The following HELQ variants were observed in gnomAD, a reference collection of about 807,000 sequenced individuals.
HELQ encodes the protein helicase, POLQ like.
A neutral mutation model predicts 111.6 loss-of-function variants in HELQ; 77 were observed. The ratio of observed to expected loss-of-function variants is 0.69; its 90% CI spans 0.57 to 0.83. The LOEUF (loss-of-function observed/expected upper bound fraction) is 0.83, where lower values mean the gene tolerates loss of function less well. Ranked by LOEUF, HELQ falls within the 40% of genes least tolerant of loss-of-function variation. HELQ has a pLI of 0.00. For missense variants in HELQ, 1,200 were observed against 1,288.5 expected (o/e 0.93, Z 1.05); for synonymous variants, 438 against 454.7 (o/e 0.96, Z 0.47).
chr4:83,439,860 T>C lies in HELQ; in HGVS notation c.1808+3A>G. On this transcript the variant is annotated splice_donor_region_variant and intron_variant, in intron 8 of 17. Coordinates refer to ENST00000295488, the MANE Select transcript of HELQ (RefSeq NM_133636.5). ...ACAGGCTATTTAAAAAATATTAACA[T>C]ACTTGCTTAAAAATTTGCATATCAT... is the stretch of plus-strand genomic sequence containing the variant. The C allele has an allele frequency of 1.3e-6, 2 of 1,555,748 alleles. No individual in the cohort carries two copies. The highest frequency in any genetic ancestry group is 1.7e-4 in the Middle Eastern group (1 of 5,852).
chr4:83,441,911 T>G (rs953993183), intron 6 of HELQ, among the ~76,000 whole-genome samples: 3 of 151,770 alleles, frequency 2.0e-5, no homozygotes, highest in Non-Finnish European at 2.9e-5. Context: ...GTAGCTGGGA[T>G]GACAGGCATG....
chr4:83,421,929 A>C (rs1228034490), intron 14 of HELQ, among the ~76,000 whole-genome samples, 193 bp from the exon 15 acceptor site: 2 of 152,196 alleles, frequency 1.3e-5, no homozygotes, highest in East Asian at 3.8e-4. Context: ...CAACTACAAT[A>C]AAAAGATAAG....
intron 2 of HELQ, among the ~76,000 whole-genome samples, chr4:83,449,771 C>T (rs910934307): frequency 2.0e-5 from 3 of 151,358 alleles, no homozygotes; most frequent in Non-Finnish European, 4.4e-5. Context: ...CAATAAGCAG[C>T]AGAAATGCAA....
Position 83,432,259 on chromosome 4 carries a change from A to C in HELQ, c.2057T>G (p.Leu686Ter), listed in dbSNP as rs1720193457. 1 of 1,558,046 alleles carries C rather than the reference A, an allele frequency of 6.4e-7. No homozygotes were observed. Among genetic ancestry groups the C allele is most frequent in the Non-Finnish European group, 8.7e-7 (1 of 1,153,756 alleles). Reference sequence around the variant, plus strand: ...TTCCTTAGCAACATAGGGAGCTCTTAAAATAACTCTGTGGAATTAATGAAA... The same window carrying C: ...TTCCTTAGCAACATAGGGAGCTCTTCAAATAACTCTGTGGAATTAATGAAA... Reference protein sequence around the residue: ...GVNLPARRVILRAPYVAKEFL... With the variant: ...GVNLPARRVI The change falls in exon 10 of 18, where the codon TTA (leucine) becomes TGA (stop). Residue 686 changes from leucine (L) to a stop codon, truncating the protein, a stop_gained. Transcript: ENST00000295488. LOFTEE classifies it high-confidence loss of function.
chr4:83,422,618 T>A (rs1218736974), intron 14 of HELQ, among the ~76,000 whole-genome samples: 1 of 152,190 alleles, frequency 6.6e-6, no homozygotes, highest in Non-Finnish European at 1.5e-5. Flanking sequence ...GAGGCACGGA[T>A]GGCTTTTTCC....
rs1447696417 is a variant in HELQ, at chr4:83,453,427, G to C, written c.816C>G (p.Ala272=). The stretch of plus-strand genomic sequence containing the variant: ...TCTGGGCCTTCGCATTTCCAGTCAT[G>C]GCATTTTTTAGATGATCTTTAATAC... ...RKSIKDHLKN[A]MTGNAKAQTP... The change falls in exon 2 of 18, where the codon GCC becomes GCG. Residue 272 remains alanine (A), a synonymous_variant. Transcript: ENST00000295488. 6.2e-7 allele frequency: 1 copy of C among 1,603,196 alleles called. No individual in the cohort carries two copies. Among genetic ancestry groups the C allele is most frequent in the East Asian group, 2.2e-5 (1 of 44,786 alleles).
At chr4:83,423,064 G>A (rs1056915961) in intron 14 of HELQ, among the ~76,000 whole-genome samples, 6 of 152,080 alleles carry the variant, frequency 3.9e-5, no homozygotes, top group South Asian at 2.1e-4. Context: ...GGATTTCATA[G>A]CTAGCTTAGA....
chr4:83,415,242 T>C (rs1238023739), intron 17 of HELQ, among the ~76,000 whole-genome samples: 1 of 152,110 alleles, frequency 6.6e-6, no homozygotes, highest in Non-Finnish European at 1.5e-5. Flanking sequence ...ACTAGGACAG[T>C]GAATGGCCTA....
intron 12 of HELQ, among the ~76,000 whole-genome samples, chr4:83,428,066 C>T (rs1364327716): frequency 1.3e-5 from 2 of 152,060 alleles, no homozygotes; most frequent in Non-Finnish European, 2.9e-5. Flanking sequence ...TATGGTACAT[C>T]CATACTATAG....
intron 13 of HELQ, among the ~76,000 whole-genome samples, chr4:83,426,614 A>T (rs927851738): frequency 4.7e-5 from 7 of 150,532 alleles, no homozygotes; most frequent in African/African-American, 7.3e-5. Context: ...CCCAGGCTGG[A>T]GTGCAGTGGC....
At chr4:83,444,190 T>C (rs763929972) in intron 5 of HELQ, among the ~76,000 whole-genome samples, 1 of 152,170 alleles carries the variant, frequency 6.6e-6, no homozygotes, top group Non-Finnish European at 1.5e-5. Context: ...TTCTAAACAA[T>C]AATAAATGAG....
intron 17 of HELQ, among the ~76,000 whole-genome samples, chr4:83,413,231 A>G (rs1161053887): frequency 6.6e-6 from 1 of 152,166 alleles, no homozygotes; most frequent in East Asian, 1.9e-4. Flanking sequence ...GAACCCAGAG[A>G]AGAGGTTGAG....
At chr4:83,422,566 A>T (rs995027087) in intron 14 of HELQ, among the ~76,000 whole-genome samples, 3 of 152,236 alleles carry the variant, frequency 2.0e-5, no homozygotes, top group Non-Finnish European at 4.4e-5. Context: ...CTATAAGCCA[A>T]GGAACACCAA....
chr4:83,454,036 T>A (rs1337419460), intron 1 of HELQ, 91 bp from the exon 2 acceptor site: 31 of 797,762 alleles, frequency 3.9e-5, no homozygotes, highest in Admixed American at 4.6e-5. Context: ...AAACCCCGTG[T>A]CTACAGAAAA....
rs1159635748 is a variant in HELQ at position 83,421,655 on chromosome 4, C to G, written c.2857G>C (p.Val953Leu). ...CGAGGCATATTAAATTTTTCAGATA[C>G]AGTCCAAATGTTGGTCTCTTTGAGC... ...TLLKETNIWT[V>L]SEKFNMPRGY... Residue 953 changes from valine to leucine, a missense_variant, in exon 15 of 18, where the codon GTA becomes CTA. Val to Leu is a conservative substitution (Grantham distance 32). Transcript: ENST00000295488. 1 of 1,613,200 alleles carries G rather than the reference C, an allele frequency of 6.2e-7. No individual in the cohort carries two copies. The highest frequency in any genetic ancestry group is 8.5e-7 in the Non-Finnish European group (1 of 1,179,296).
intron 4 of HELQ, among the ~76,000 whole-genome samples, chr4:83,446,314 AT>A (rs35146359): frequency 0.46 from 69,848 of 151,294 alleles, 17,033 homozygotes; most frequent in East Asian, 0.67. Flanking sequence ...TACTAAAAAA[AT>A]TTTTTTTTTA....
chr4:83,429,055 A>G (rs1173369293), intron 12 of HELQ, among the ~76,000 whole-genome samples: 2 of 148,506 alleles, frequency 1.3e-5, no homozygotes, highest in Non-Finnish European at 2.9e-5. Context: ...ACATTTTTCA[A>G]CTTTTGAAAG....
At chr4:83,422,076 C>T (rs959785272) in intron 14 of HELQ, among the ~76,000 whole-genome samples, 3 of 151,650 alleles carry the variant, frequency 2.0e-5, no homozygotes, top group African/African-American at 4.9e-5. Context: ...AAACAAAAAA[C>T]GTGGCCGGGT....
At chr4:83,446,775 C>T (rs1488530138) in intron 4 of HELQ, 60 bp downstream of exon 4, 2 of 1,035,378 alleles carry the variant, frequency 1.9e-6, no homozygotes, top group East Asian at 2.6e-5. Context: ...ACACAATAAC[C>T]AGAATAATAA....
Sources: gnomAD v4.1 joint callset for allele counts (sites outside exome capture counted in the v4.1 genomes callset) on GRCh38, gnomAD v4.1.1 for gene constraint, MANE v1.5 for transcripts, NCBI Gene and HGNC (gene_info 2026-07-23, HGNC 2026-07-21) for gene names.